KDM1B: variants seen among roughly 807,000 people sequenced by gnomAD.
KDM1B encodes the protein lysine-specific histone demethylase 2.
KDM1B carries 63 observed loss-of-function variants against 107.4 expected under a neutral mutation model. That is an observed-to-expected ratio of 0.59 (90% CI 0.48 to 0.72). The LOEUF is 0.72. Ranked by LOEUF, KDM1B falls within the 30% of genes least tolerant of loss-of-function variation. The pLI, the probability that KDM1B is intolerant of heterozygous loss-of-function variation, is 0.00. For missense variants in KDM1B, 749 were observed against 1,020.8 expected, an observed-to-expected ratio of 0.73 and a Z score of 3.63; for synonymous variants, 363 against 363.9, an observed-to-expected ratio of 1.00 and a Z score of 0.03.
chr6:18,181,473 A>T (rs879500660), intron 7 of KDM1B, among the ~76,000 whole-genome samples: 1 of 152,222 alleles, frequency 6.6e-6, no homozygotes, highest in Non-Finnish European at 1.5e-5. Context: ...GAGAATAAGA[A>T]GTGGGAATCA....
Position 18,205,641 on chromosome 6 carries a change from G to A in KDM1B, c.1636G>A (p.Ala546Thr), listed in dbSNP as rs944906194. The part of the protein sequence containing the change: ...LQFHLSNLEY[A>T]CGSNLHQVSA... ...GTTCCATCTCAGTAACCTGGAGTAC[G>A]CCTGTGGCAGCAACCTTCACCAGGT... Residue 546 changes from alanine (A) to threonine (T), a missense_variant, in exon 15 of 22, where the codon GCC becomes ACC. By Grantham distance (58) the Ala-to-Thr change is moderately conservative. Transcript: ENST00000650836. The surrounding 1 kb of genome is among the most constrained non-coding windows in gnomAD (Gnocchi z 5.7). The A allele has an allele frequency of 2.0e-6, 3 of 1,524,312 alleles. No homozygotes were observed. The highest frequency in any genetic ancestry group is 1.2e-5 in the South Asian group (1 of 80,572). The allele number at this position is 1,524,312 out of a possible 1,614,324, so 94.4% of individuals were successfully genotyped here. A position where few individuals can be genotyped will look rare whatever the true frequency, so the allele number is the denominator to read the frequency against.
chr6:18,170,011 C>A (rs957552313), intron 6 of KDM1B, among the ~76,000 whole-genome samples: 1 of 151,410 alleles, frequency 6.6e-6, no homozygotes, highest in Non-Finnish European at 1.5e-5. Flanking sequence ...CCAGTTCAAG[C>A]GATTCTCCTG....
At chr6:18,207,561 G>A (rs375191752) in intron 16 of KDM1B, 32 bp downstream of exon 16, 17 of 1,612,216 alleles carry the variant, frequency 1.1e-5, no homozygotes, top group South Asian at 5.5e-5. Context: ...GCTCTGGCTC[G>A]CCTTGTTTGG....
chr6:18,219,359 T>C (rs1391948732), intron 21 of KDM1B, among the ~76,000 whole-genome samples: 2 of 152,230 alleles, frequency 1.3e-5, no homozygotes, highest in Non-Finnish European at 2.9e-5. Context: ...TTTTTTCTCT[T>C]TCTTTCTAGA....
chr6:18,188,253 A>G (rs551371048), intron 9 of KDM1B, among the ~76,000 whole-genome samples: 148 of 152,298 alleles, frequency 9.7e-4, no homozygotes, highest in Non-Finnish European at 1.8e-3. Flanking sequence ...TTATTTTTAA[A>G]AATGTATGCG....
In KDM1B at chr6:18,217,750, A is replaced by C. The variant is rs1421672447; in HGVS notation, c.2250A>C (p.Thr750=). 1 of 1,611,828 alleles carries C rather than the reference A, an allele frequency of 6.2e-7. No individual in the cohort carries two copies. Among genetic ancestry groups the C allele is most frequent in the Admixed American group, 1.7e-5 (1 of 59,320 alleles). ...GGACATAGGAGGTCCCAGATCCCAC[A>C]AAGTATTTTGTCACTCGGTGGAGCA... is the stretch of plus-strand genomic sequence containing the variant. ...LFKEQEVPDP[T]KYFVTRWSTD... is the part of the protein sequence containing the mutation. The change falls in exon 21 of 22, where the codon ACA becomes ACC. Residue 750 remains threonine, a synonymous_variant. Coordinates refer to ENST00000650836, the MANE Select transcript of KDM1B (RefSeq NM_001364614.2).
intron 6 of KDM1B, among the ~76,000 whole-genome samples, chr6:18,166,596 G>A (rs1050571914): frequency 6.6e-6 from 1 of 152,136 alleles, no homozygotes; most frequent in Non-Finnish European, 1.5e-5. Flanking sequence ...TGTAATCCTA[G>A]CCCTTTGGTA....
chr6:18,189,774 C>T (rs1181371739), intron 9 of KDM1B, among the ~76,000 whole-genome samples: 1 of 152,146 alleles, frequency 6.6e-6, no homozygotes, highest in South Asian at 2.1e-4. Context: ...TGTAACTCCA[C>T]TACTGACATA....
At chr6:18,166,703 A>G (rs1785321177) in intron 6 of KDM1B, among the ~76,000 whole-genome samples, 1 of 151,532 alleles carries the variant, frequency 6.6e-6, no homozygotes, top group Non-Finnish European at 1.5e-5. Context: ...TTTTTTTTTT[A>G]AGTAGGCAAG....
chr6:18,166,454 T>C (rs12199060), intron 6 of KDM1B, 76 bp downstream of exon 6: 15,215 of 819,334 alleles, frequency 0.019, 200 homozygotes, highest in Non-Finnish European at 0.024. Context: ...AAATGCTGTT[T>C]AGGAAATCTC....
chr6:18,207,517 A>G lies in KDM1B; in HGVS notation c.1779A>G (p.Gln593=), dbSNP rs778979817. ...IEKLAEGLDI[Q]LKSPVQCIDY... ...AACTGGCAGAAGGGCTTGACATTCA[A>G]CTCAAATCTCCAGTGAGTATCAACT... is the stretch of plus-strand genomic sequence containing the variant. The change falls in exon 16 of 22, where the codon CAA becomes CAG. Residue 593 remains glutamine, a synonymous_variant. Transcript: ENST00000650836. The G allele has an allele frequency of 1.9e-6, 3 of 1,614,176 alleles. No individual in the cohort carries two copies. The highest frequency in any genetic ancestry group is 1.1e-5 in the South Asian group (1 of 91,074).
chr6:18,212,643 A>G lies in KDM1B; in HGVS notation c.1983+39A>G, dbSNP rs182087172. ...CCTCATCCTCAGCAAGAAAGAGATT[A>G]ATGTCAGATGATAGATGTTAACTTC... is the stretch of plus-strand genomic sequence containing the variant. On this transcript the variant is annotated intron_variant, in intron 18 of 21. Coordinates refer to ENST00000650836, the MANE Select transcript of KDM1B (RefSeq NM_001364614.2). This position sits in a 1 kb window ranked among gnomAD's most constrained non-coding sequence, Gnocchi z 5.2. 7.0e-5 allele frequency: 88 copies of G among 1,260,676 alleles called. 1 individual carries two copies. The East Asian group carries it at 1.7e-3, about 24-fold the overall frequency. The allele number at this position is 1,260,676 out of a possible 1,614,324, so 78.1% of individuals were successfully genotyped here.
intron 21 of KDM1B, among the ~76,000 whole-genome samples, chr6:18,220,437 G>A (rs924482415): frequency 6.6e-6 from 1 of 152,070 alleles, no homozygotes; most frequent in Non-Finnish European, 1.5e-5. Flanking sequence ...TAATCCCAGC[G>A]ACTCAGGAGG....
chr6:18,217,642 G>T (rs1789351844), intron 20 of KDM1B, 91 bp from the exon 21 acceptor site: 2 of 1,049,796 alleles, frequency 1.9e-6, no homozygotes, highest in South Asian at 2.9e-5. Context: ...CTCCCAAAGT[G>T]CTGGGATGGG....
Position 18,212,322 on chromosome 6 carries a change from T to G in KDM1B, c.1867-166T>G, listed in dbSNP as rs1788906923. ...CCCACTCTTCCCTGTGGTTGCCACT[T>G]CTGCTTAGCCAGGCATTGGCACCCT... is the stretch of plus-strand genomic sequence containing the variant. On this transcript the variant is annotated intron_variant, in intron 17 of 21. Coordinates refer to ENST00000650836, the MANE Select transcript of KDM1B (RefSeq NM_001364614.2). This position sits in a 1 kb window ranked among gnomAD's most constrained non-coding sequence, Gnocchi z 5.2. The G allele has an allele frequency of 1.5e-6, 1 of 662,440 alleles. No homozygotes were observed. The allele number at this position is 662,440 out of a possible 1,614,324, so 41.0% of individuals were successfully genotyped here.
intron 17 of KDM1B, among the ~76,000 whole-genome samples, chr6:18,208,603 G>GTGTGTGTGTATATATATATATATATATA (rs1359166965): frequency 2.9e-5 from 1 of 34,896 alleles, no homozygotes; most frequent in East Asian, 1.1e-3. Flanking sequence ...GTATGTGTAT[G>GTGTGTGTGTATATATATATATATATATA]TATATATATA....
rs1787259786 is a variant in KDM1B at position 18,191,140 on chromosome 6, T to C, written c.785-57T>C. ...TTTTGGTTTGCTTTTGCCCTTTAAT[T>C]CTTCTGGATTTGGAAGTTACAGCTT... On this transcript the variant is annotated intron_variant, in intron 9 of 21. Transcript: ENST00000650836. This position sits in a 1 kb window ranked among gnomAD's most constrained non-coding sequence, Gnocchi z 5.1. The C allele has an allele frequency of 1.6e-5, 24 of 1,493,836 alleles. No homozygotes were observed. Among genetic ancestry groups the C allele is most frequent in the Non-Finnish European group, 2.1e-5 (23 of 1,104,870 alleles). 92.5% of individuals were successfully genotyped at this position (1,493,836 alleles called of 1,614,324 possible). A position where few individuals can be genotyped will look rare whatever the true frequency, so the allele number is the denominator to read the frequency against.
At position 18,203,456 on chromosome 6, in the gene KDM1B, C is replaced by T. The variant is rs964226416; in HGVS notation, c.1531+1799C>T. ...GTATCTTAGCTGTCTGAGATCTCAT[C>T]TTACCAGCACAAAGCTGGGGAAACT... is the stretch of plus-strand genomic sequence containing the variant. On this transcript the variant is annotated intron_variant, in intron 14 of 21. Transcript: ENST00000650836. This position sits in a 1 kb window ranked among gnomAD's most constrained non-coding sequence, Gnocchi z 5.5. Among the ~76,000 whole-genome samples the T allele has an allele frequency of 6.6e-6, 1 of 152,158 alleles. No individual in the cohort carries two copies. The highest frequency in any genetic ancestry group is 2.4e-5 in the African/African-American group (1 of 41,420).
chr6:18,192,651 T>G (rs1255538255), intron 10 of KDM1B, among the ~76,000 whole-genome samples: 1 of 151,410 alleles, frequency 6.6e-6, no homozygotes, highest in Non-Finnish European at 1.5e-5. Flanking sequence ...GGCCCTGTAG[T>G]CCCAGCTACT....
Sources: allele counts gnomAD v4.1 joint callset (sites outside exome capture counted in the v4.1 genomes callset), GRCh38; gene constraint gnomAD v4.1.1; non-coding constraint Gnocchi (gnomAD v3.1); transcripts MANE v1.5; gene names NCBI Gene and HGNC (gene_info 2026-07-23, HGNC 2026-07-21).